The following CLK2 variants were observed in gnomAD, a reference collection of about 807,000 sequenced individuals.
CLK2 encodes the protein dual specificity protein kinase CLK2.
CLK2 carries 12 observed loss-of-function variants against 73.5 expected under a neutral mutation model. The ratio of observed to expected loss-of-function variants is 0.16; its 90% CI spans 0.10 to 0.26. The LOEUF (loss-of-function observed/expected upper bound fraction) is 0.26. CLK2 is among the 10% of genes least tolerant of loss of function. The pLI is 1.00. For synonymous variants in CLK2, 232 were observed against 237.9 expected (o/e 0.98, Z 0.23); for missense variants, 509 against 688.4 (o/e 0.74, Z 2.92).
intron 1 of CLK2, among the ~76,000 whole-genome samples, chr1:155,272,078 G>A (rs1351485000): frequency 2.0e-5 from 3 of 150,140 alleles, no homozygotes; most frequent in Non-Finnish European, 4.4e-5. Flanking sequence ...GTGCAATGGC[G>A]CAATCTCGGC....
In CLK2 at chr1:155,268,384, G is replaced by A; in HGVS notation, c.488-25C>T. 6.3e-7 allele frequency: 1 copy of A among 1,595,078 alleles called. No individual in the cohort carries two copies. Among genetic ancestry groups the A allele is most frequent in the Non-Finnish European group, 8.6e-7 (1 of 1,162,910 alleles). On this transcript the variant is annotated intron_variant, in intron 4 of 12. Transcript: ENST00000368361. The surrounding 1 kb of genome is among the most constrained non-coding windows in gnomAD (Gnocchi z 5.6). ...TCTGAAATGAAAGAGAGCAGGGTCGGGGAGAGGGAGGGAGAGAAGGTGGGG... is the reference window on the plus strand; with the variant it reads ...TCTGAAATGAAAGAGAGCAGGGTCGAGGAGAGGGAGGGAGAGAAGGTGGGG...
At chr1:155,269,356 T>C (rs1031526809) in intron 3 of CLK2, 132 bp downstream of exon 3, 23 of 771,100 alleles carry the variant, frequency 3.0e-5, no homozygotes, top group Non-Finnish European at 4.0e-5. Context: ...TCCAAGAAAG[T>C]AGGCAAACTC....
chr1:155,272,671 A>C (rs1234101531), intron 1 of CLK2, among the ~76,000 whole-genome samples: 3 of 152,194 alleles, frequency 2.0e-5, no homozygotes, highest in Non-Finnish European at 4.4e-5. Context: ...CTGCAAGCAC[A>C]AGATTTTCCC....
In CLK2 at chr1:155,270,830, T is replaced by C. The variant is rs1673459483; in HGVS notation, c.148A>G (p.Ser50Gly). Residue 50 changes from serine (S) to glycine (G), a missense_variant, in exon 2 of 13, where the codon AGC becomes GGC. Physicochemically the swap from Ser to Gly is moderately conservative, Grantham distance 56. Transcript: ENST00000368361. The stretch of plus-strand genomic sequence containing the variant: ...CACCTTCGAGAACGGACATGGTAGC[T>C]GTCCTCTCGCCGACGCCGTCGTGTC... ...DRTRRRRRED[S>G]YHVRSRSSYD... 5.6e-6 allele frequency: 9 copies of C among 1,611,558 alleles called. No individual in the cohort carries two copies. Among genetic ancestry groups the C allele is most frequent in the Non-Finnish European group, 1.7e-6 (2 of 1,177,876 alleles).
Position 155,268,730 on chromosome 1 carries a change from G to A in CLK2, c.465C>T (p.Val155=). ...TACATCGCTCTTGTAGCCAGTCCCC[G>A]ACGTGGTAGATGAGGTGGCCCTCAG... ...DDAEGHLIYH[V]GDWLQERYEI... Residue 155 remains valine, a synonymous_variant, in exon 4 of 13, where the codon GTC becomes GTT. Transcript: ENST00000368361. This position sits in a 1 kb window ranked among gnomAD's most constrained non-coding sequence, Gnocchi z 5.6. 6.2e-7 allele frequency: 1 copy of A among 1,613,892 alleles called. No homozygotes were observed. Among genetic ancestry groups the A allele is most frequent in the Non-Finnish European group, 8.5e-7 (1 of 1,179,948 alleles).
At chr1:155,269,085 C>A (rs2148141835) in intron 3 of CLK2, 1 of 586,040 alleles carries the variant, frequency 1.7e-6, no homozygotes, top group East Asian at 2.9e-5. Context: ...CCATGCTCTA[C>A]ACAATGCCCT....
Position 155,265,829 on chromosome 1 carries a change from A to C in CLK2, c.933+31T>G, listed in dbSNP as rs1673208581. ...CAAAGTGGTGCAGCTGCCTGCCCCC[A>C]GTAACCAAGGGCAGACCCTATCCAT... On this transcript the variant is annotated intron_variant, in intron 8 of 12. Transcript: ENST00000368361. 21 of 1,428,744 alleles carry C rather than the reference A, an allele frequency of 1.5e-5. No homozygotes were observed. The East Asian group carries it at 4.8e-4, about 32-fold the overall frequency. 88.5% of individuals were successfully genotyped at this position (1,428,744 alleles called of 1,614,324 possible). A position where few individuals can be genotyped will look rare whatever the true frequency, so the allele number is the denominator to read the frequency against.
intron 12 of CLK2, 137 bp downstream of exon 12, chr1:155,263,813 C>A: frequency 7.2e-7 from 1 of 1,391,796 alleles, no homozygotes; most frequent in East Asian, 2.3e-5. Flanking sequence ...CCTCTGTTGA[C>A]CAAAGATGTC....
chr1:155,270,403 A>T (rs79688863), intron 2 of CLK2, among the ~76,000 whole-genome samples: 5,192 of 152,196 alleles, frequency 0.034, 307 homozygotes, highest in African/African-American at 0.12. Flanking sequence ...TAAAATTTTT[A>T]AAAAATTAAA....
rs577744099 is a variant in CLK2, at chr1:155,264,878, T to C, written c.934-104A>G. ...CCTTAAAAAAGGTACTGTGATCTCC[T>C]GCCTGGCCTTACAAGCCCTGGGAAA... On this transcript the variant is annotated intron_variant, in intron 8 of 12. Coordinates refer to ENST00000368361, the MANE Select transcript of CLK2 (RefSeq NM_001294338.2). The C allele has an allele frequency of 6.4e-6, 9 of 1,403,606 alleles. No homozygotes were observed. The East Asian group carries it at 9.9e-5, about 15-fold the overall frequency. The allele number at this position is 1,403,606 out of a possible 1,614,324, so 86.9% of individuals were successfully genotyped here.
chr1:155,265,213 A>G (rs1673170385), intron 8 of CLK2, among the ~76,000 whole-genome samples: 1 of 152,216 alleles, frequency 6.6e-6, no homozygotes, highest in Non-Finnish European at 1.5e-5. Context: ...TGAGATCTCC[A>G]TTATCTCCAG....
chr1:155,272,961 T>C (rs999372163), intron 1 of CLK2, among the ~76,000 whole-genome samples: 1 of 152,124 alleles, frequency 6.6e-6, no homozygotes, highest in Non-Finnish European at 1.5e-5. Flanking sequence ...CTGGAACCAC[T>C]CCCATCCTTA....
chr1:155,263,883 G>A (rs1032252044), intron 12 of CLK2, 67 bp downstream of exon 12: 2 of 1,500,964 alleles, frequency 1.3e-6, no homozygotes, highest in East Asian at 2.3e-5. Flanking sequence ...CATTCCAGGG[G>A]GCAAACCACC....
At position 155,268,813 on chromosome 1, in the gene CLK2, G is replaced by T; in HGVS notation, c.400-18C>A. The T allele has an allele frequency of 6.2e-7, 1 of 1,602,264 alleles. No individual in the cohort carries two copies. Among genetic ancestry groups the T allele is most frequent in the Non-Finnish European group, 8.5e-7 (1 of 1,173,302 alleles). On this transcript the variant is annotated intron_variant, in intron 3 of 12. Coordinates refer to ENST00000368361, the MANE Select transcript of CLK2 (RefSeq NM_001294338.2). This position sits in a 1 kb window ranked among gnomAD's most constrained non-coding sequence, Gnocchi z 5.6. ...CTGTGCTGCTGTCGGGGGGCAGGGG[G>T]GGTCGGAGCAAGCCAGGTGTCGGAG...
At position 155,268,579 on chromosome 1, in the gene CLK2, C is replaced by T; in HGVS notation, c.487+129G>A. ...GACAACAGAGGTCAATTCTCAACAG[C>T]AACTCAAACCACCCAGATAAACAAC... On this transcript the variant is annotated intron_variant, in intron 4 of 12. Transcript: ENST00000368361. The surrounding 1 kb of genome is among the most constrained non-coding windows in gnomAD (Gnocchi z 5.6). 1 of 923,602 alleles carries T rather than the reference C, an allele frequency of 1.1e-6. No homozygotes were observed. The highest frequency in any genetic ancestry group is 1.8e-6 in the Non-Finnish European group (1 of 568,574). 57.2% of individuals were successfully genotyped at this position (923,602 alleles called of 1,614,324 possible).
intron 9 of CLK2, 24 bp from the exon 10 acceptor site, chr1:155,264,574 G>C: frequency 1.2e-6 from 2 of 1,614,230 alleles, no homozygotes; most frequent in Non-Finnish European, 1.7e-6. Flanking sequence ...GGAGGGAAAA[G>C]GTGTTATGAG....
Position 155,263,041 on chromosome 1 carries a change from G to T in CLK2, c.*177C>A. ...GAATAGTATTATGTACAAGGCAGGG[G>T]TTGAAGTGATAGGTACAAGTTCTTT... is the stretch of plus-strand genomic sequence containing the variant. On this transcript the variant is annotated 3_prime_UTR_variant, in exon 13 of 13. Coordinates refer to ENST00000368361, the MANE Select transcript of CLK2 (RefSeq NM_001294338.2). The T allele has an allele frequency of 1.6e-6, 1 of 630,040 alleles. No individual in the cohort carries two copies. Among genetic ancestry groups the T allele is most frequent in the South Asian group, 2.2e-5 (1 of 45,008 alleles). 39.0% of individuals were successfully genotyped at this position (630,040 alleles called of 1,614,324 possible). A position where few individuals can be genotyped will look rare whatever the true frequency, so the allele number is the denominator to read the frequency against.
intron 7 of CLK2, 147 bp downstream of exon 7, chr1:155,266,582 C>A: frequency 6.0e-6 from 5 of 830,834 alleles, no homozygotes; most frequent in African/African-American, 1.8e-5. Flanking sequence ...GGAGTTAAGT[C>A]AGAAGACGTT....
chr1:155,267,897 T>C, intron 6 of CLK2, 113 bp downstream of exon 6: 1 of 732,582 alleles, frequency 1.4e-6, no homozygotes, highest in South Asian at 1.6e-5. Flanking sequence ...GAACAAAAGA[T>C]GAATGGATGA....
Sources: allele counts gnomAD v4.1 joint callset (sites outside exome capture counted in the v4.1 genomes callset), GRCh38; gene constraint gnomAD v4.1.1; non-coding constraint Gnocchi (gnomAD v3.1); transcripts MANE v1.5; gene names NCBI Gene and HGNC (gene_info 2026-07-23, HGNC 2026-07-21).